The following NR6A1 variants were observed in gnomAD, a reference collection of about 807,000 sequenced individuals.
NR6A1 encodes the protein nuclear receptor subfamily 6 group A member 1.
In NR6A1, 7 loss-of-function variants were observed where a neutral mutation model predicts 59.1. The ratio of observed to expected loss-of-function variants is 0.12; its 90% CI spans 0.07 to 0.22. The LOEUF (loss-of-function observed/expected upper bound fraction) is 0.22. Ranked by LOEUF, NR6A1 falls within the 10% of genes least tolerant of loss-of-function variation. The pLI is 1.00. For synonymous variants in NR6A1, 243 were observed against 236.1 expected, an observed-to-expected ratio of 1.03 and a Z score of -0.27; for missense variants, 468 against 611.6, an observed-to-expected ratio of 0.77 and a Z score of 2.48.
chr9:124,726,979 A>G (rs533196292), intron 2 of NR6A1, among the ~76,000 whole-genome samples: 1 of 152,364 alleles, frequency 6.6e-6, no homozygotes, highest in African/African-American at 2.4e-5. Flanking sequence ...AGAAGAGGGT[A>G]TAAGGGCACA....
chr9:124,763,830 GATACAGCTTC>G (rs1840847245), intron 1 of NR6A1, among the ~76,000 whole-genome samples: 2 of 152,304 alleles, frequency 1.3e-5, no homozygotes, highest in East Asian at 1.9e-4. Flanking sequence ...CTTCCAAGGT[GATACAGCTTC>G]ATACAGCTTC....
chr9:124,630,165 A>C (rs2130878678), intron 2 of NR6A1, among the ~76,000 whole-genome samples: 1 of 150,030 alleles, frequency 6.7e-6, no homozygotes, highest in South Asian at 2.1e-4. Flanking sequence ...AGAAAATTAT[A>C]TTTAGAATGG....
At chr9:124,757,011 G>A (rs188573538) in intron 1 of NR6A1, among the ~76,000 whole-genome samples, 10 of 152,072 alleles carry the variant, frequency 6.6e-5, no homozygotes, top group African/African-American at 9.6e-5. Flanking sequence ...GGGCGGGTAG[G>A]GGGGGAATGA....
chr9:124,734,881 C>T (rs775931486), intron 1 of NR6A1, among the ~76,000 whole-genome samples: 59 of 152,218 alleles, frequency 3.9e-4, no homozygotes, highest in Non-Finnish European at 6.9e-4. Flanking sequence ...TTTGCTCTAT[C>T]GCCCAGGCTA....
intron 2 of NR6A1, among the ~76,000 whole-genome samples, chr9:124,718,275 T>A (rs531143509): frequency 1.3e-5 from 2 of 152,316 alleles, no homozygotes; most frequent in East Asian, 3.9e-4. Flanking sequence ...CCCTCCATTA[T>A]CAATAGTGCT....
At chr9:124,545,137 G>C (rs1833561716) in intron 3 of NR6A1, among the ~76,000 whole-genome samples, 1 of 152,230 alleles carries the variant, frequency 6.6e-6, no homozygotes, top group Non-Finnish European at 1.5e-5. Flanking sequence ...AAGTAAGTTA[G>C]GGTCCAAATC....
chr9:124,588,977 G>A (rs1031455285), intron 2 of NR6A1, among the ~76,000 whole-genome samples: 1 of 150,150 alleles, frequency 6.7e-6, no homozygotes, highest in African/African-American at 2.4e-5. Flanking sequence ...AGTTTCTTAA[G>A]GTAACTGGTT....
At chr9:124,769,973 C>CA (rs1250347168) in intron 1 of NR6A1, 1 of 152,280 alleles carries the variant, frequency 6.6e-6, no homozygotes, top group African/African-American at 2.4e-5. Flanking sequence ...ACAAATAAAA[C>CA]ACCCCGCAGG....
intron 4 of NR6A1, among the ~76,000 whole-genome samples, chr9:124,541,467 C>G (rs1400145854): frequency 6.6e-6 from 1 of 151,912 alleles, no homozygotes; most frequent in East Asian, 1.9e-4. Context: ...TAAAAGAACA[C>G]AACAACAACA....
At chr9:124,662,599 T>C (rs1008360877) in intron 2 of NR6A1, among the ~76,000 whole-genome samples, 1 of 152,172 alleles carries the variant, frequency 6.6e-6, no homozygotes, top group African/African-American at 2.4e-5. Flanking sequence ...TTGTAGACTA[T>C]CAGATAGATA....
Position 124,553,549 on chromosome 9 carries a change from C to CTTTTTTTT in NR6A1, c.385+771_385+778dup, listed in dbSNP as rs780925768. Among the ~76,000 whole-genome samples the CTTTTTTTT allele has an allele frequency of 9.3e-4, 44 of 47,320 alleles. 1 individual carries two copies. Among genetic ancestry groups the CTTTTTTTT allele is most frequent in the African/African-American group, 2.7e-3 (35 of 12,832 alleles). 31.0% of individuals were successfully genotyped at this position (47,320 alleles called of 152,430 possible). On this transcript the variant is annotated intron_variant, in intron 3 of 9. Transcript: ENST00000487099. ...GAAATCACCCTGCTTTTTAGCTTGA[C>CTTTTTTTT]TTTTTTTTTTTTTTTTTTTTTTTTT...
chr9:124,707,366 C>T (rs192580738), intron 2 of NR6A1, among the ~76,000 whole-genome samples: 2 of 152,164 alleles, frequency 1.3e-5, no homozygotes, highest in East Asian at 3.9e-4. Flanking sequence ...TATTGAAATT[C>T]TCTATGTACT....
At chr9:124,582,968 T>TC (rs145604641) in intron 2 of NR6A1, among the ~76,000 whole-genome samples, 6,000 of 151,872 alleles carry the variant, frequency 0.04, 351 homozygotes, top group African/African-American at 0.12. Flanking sequence ...AGTACGCCCT[T>TC]CCCCCCCAAA....
chr9:124,676,423 C>T (rs1400298990), intron 2 of NR6A1, among the ~76,000 whole-genome samples: 1 of 151,940 alleles, frequency 6.6e-6, no homozygotes, highest in Non-Finnish European at 1.5e-5. Flanking sequence ...TGGAGGGAGA[C>T]TTTCTTGCCT....
At chr9:124,612,300 A>G (rs752600005) in intron 2 of NR6A1, among the ~76,000 whole-genome samples, 63 of 152,292 alleles carry the variant, frequency 4.1e-4, no homozygotes, top group Non-Finnish European at 8.5e-4. Flanking sequence ...GGAACAAAAG[A>G]CAAGACTTAT....
chr9:124,641,367 A>G (rs555766007), intron 2 of NR6A1, among the ~76,000 whole-genome samples: 4 of 151,920 alleles, frequency 2.6e-5, no homozygotes, highest in African/African-American at 9.7e-5. Context: ...CTCAAAAAAA[A>G]AAAAAAAGAA....
intron 3 of NR6A1, among the ~76,000 whole-genome samples, chr9:124,544,957 G>C (rs910879175): frequency 7.9e-5 from 12 of 152,200 alleles, no homozygotes; most frequent in African/African-American, 2.9e-4. Context: ...ATAAGCTAAT[G>C]ACATTATGTA....
At chr9:124,758,954 T>G (rs1021028114) in intron 1 of NR6A1, among the ~76,000 whole-genome samples, 1 of 152,170 alleles carries the variant, frequency 6.6e-6, no homozygotes, top group Non-Finnish European at 1.5e-5. Context: ...GCTCCTCCAT[T>G]TTTATAGGTG....
chr9:124,763,504 T>C (rs2131201314), intron 1 of NR6A1, among the ~76,000 whole-genome samples: 1 of 152,370 alleles, frequency 6.6e-6, no homozygotes, highest in South Asian at 2.1e-4. Context: ...ATCACTGGTT[T>C]GGATGCAACC....
Sources: allele counts gnomAD v4.1 joint callset (sites outside exome capture counted in the v4.1 genomes callset), GRCh38; gene constraint gnomAD v4.1.1; transcripts MANE v1.5; gene names NCBI Gene and HGNC (gene_info 2026-07-23, HGNC 2026-07-21).